SLC9A9: variants seen among roughly 807,000 people sequenced by gnomAD.
SLC9A9 encodes solute carrier family 9 member A9.
SLC9A9 carries 62 observed loss-of-function variants against 77.8 expected under a neutral mutation model. The ratio of observed to expected loss-of-function variants is 0.80; its 90% CI spans 0.65 to 0.98. The LOEUF (loss-of-function observed/expected upper bound fraction) is 0.98, where lower values mean the gene tolerates loss of function less well. Among genes scored for constraint, SLC9A9 ranks in the 50% least tolerant of loss-of-function variants. The probability of loss-of-function intolerance (pLI) is 0.00; values close to 1 mark genes in which losing one functional copy is unlikely to be tolerated. For missense variants in SLC9A9, 775 were observed against 774.9 expected, an observed-to-expected ratio of 1.00 and a Z score of 0.00; for synonymous variants, 320 against 283.5, an observed-to-expected ratio of 1.13 and a Z score of -1.29.
intron 4 of SLC9A9, among the ~76,000 whole-genome samples, chr3:143,702,050 A>G (rs958020850): frequency 6.6e-6 from 1 of 152,210 alleles, no homozygotes; most frequent in African/African-American, 2.4e-5. Context: ...TTTACCCTAG[A>G]ATAGTATATC....
chr3:143,445,925 C>T (rs1576501554), intron 12 of SLC9A9, among the ~76,000 whole-genome samples: 1 of 152,032 alleles, frequency 6.6e-6, no homozygotes, highest in South Asian at 2.1e-4. Flanking sequence ...CTAACAAGAA[C>T]AGCTTTGGTA....
At chr3:143,366,617 A>G (rs1294471718) in intron 13 of SLC9A9, among the ~76,000 whole-genome samples, 1 of 151,704 alleles carries the variant, frequency 6.6e-6, no homozygotes, top group Non-Finnish European at 1.5e-5. Context: ...GACAACAGTA[A>G]TAGCTATACT....
At chr3:143,597,905 A>G (rs1415645006) in intron 6 of SLC9A9, among the ~76,000 whole-genome samples, 2 of 152,180 alleles carry the variant, frequency 1.3e-5, no homozygotes, top group African/African-American at 4.8e-5. Flanking sequence ...GCCATTATGC[A>G]ACTCTGTGTA....
rs1473546864 is a variant in SLC9A9 at position 143,449,656 on chromosome 3, TA to T, written c.1469+17380del. Among the ~76,000 whole-genome samples, 36 of 14,384 alleles carry T rather than the reference TA, an allele frequency of 2.5e-3. 4 individuals are homozygous for T. Among genetic ancestry groups the T allele is most frequent in the Non-Finnish European group, 3.7e-3 (34 of 9,084 alleles). 9.4% of individuals were successfully genotyped at this position (14,384 alleles called of 152,430 possible). ...AATATAATTATATAATATAATTATA[TA>T]AAATATAATTATATTATATAATTAT... is the stretch of plus-strand genomic sequence containing the variant. On this transcript the variant is annotated intron_variant, in intron 12 of 15. Transcript: ENST00000316549.
intron 12 of SLC9A9, among the ~76,000 whole-genome samples, chr3:143,403,974 T>C (rs2033915433): frequency 6.6e-6 from 1 of 152,146 alleles, no homozygotes; most frequent in African/African-American, 2.4e-5. Context: ...CCAAATGGTA[T>C]CTCAGAGGTC....
intron 14 of SLC9A9, among the ~76,000 whole-genome samples, chr3:143,308,948 C>G (rs145360440): frequency 0.026 from 3,908 of 152,202 alleles, 68 homozygotes; most frequent in South Asian, 0.039. Context: ...AGTTTTCCCC[C>G]CATAAAACAT....
chr3:143,517,256 G>A lies in SLC9A9; in HGVS notation c.1090-21808C>T, dbSNP rs184438020. On this transcript the variant is annotated intron_variant, in intron 9 of 15. Coordinates refer to ENST00000316549, the MANE Select transcript of SLC9A9 (RefSeq NM_173653.4). ...CACCATAACTTCTGGATCCTGCATG[G>A]CGGCAAGAACCTCTGGATCACTAAG... 2,182 of 1,281,268 alleles carry A rather than the reference G, an allele frequency of 1.7e-3. 4 individuals are homozygous for A. The highest frequency in any genetic ancestry group is 6.5e-3 in the Middle Eastern group (25 of 3,828). The allele number at this position is 1,281,268 out of a possible 1,614,324, so 79.4% of individuals were successfully genotyped here.
At chr3:143,770,240 T>C (rs1576714382) in intron 4 of SLC9A9, among the ~76,000 whole-genome samples, 1 of 151,822 alleles carries the variant, frequency 6.6e-6, no homozygotes, top group South Asian at 2.1e-4. Flanking sequence ...GGCAGAAAAA[T>C]TCTTGGAAAA....
intron 4 of SLC9A9, among the ~76,000 whole-genome samples, chr3:143,772,507 G>A (rs562057900): frequency 6.6e-6 from 1 of 152,306 alleles, no homozygotes; most frequent in South Asian, 2.1e-4. Context: ...GTTAAATCAT[G>A]TGTAATTCAT....
intron 9 of SLC9A9, among the ~76,000 whole-genome samples, chr3:143,511,491 G>A (rs115493795): frequency 6.6e-6 from 1 of 152,198 alleles, no homozygotes; most frequent in African/African-American, 2.4e-5. Flanking sequence ...TGGAATTGCT[G>A]ATTGAGAATG....
intron 14 of SLC9A9, among the ~76,000 whole-genome samples, chr3:143,302,835 T>A (rs1301831057): frequency 6.6e-6 from 1 of 152,204 alleles, no homozygotes; most frequent in Non-Finnish European, 1.5e-5. Context: ...TCAAGAATCA[T>A]CACGTTTTCT....
intron 12 of SLC9A9, among the ~76,000 whole-genome samples, chr3:143,455,180 C>A (rs73867649): frequency 0.011 from 1,739 of 152,286 alleles, 50 homozygotes; most frequent in African/African-American, 0.04. Context: ...AATACTATCC[C>A]TATGCCATTG....
chr3:143,367,372 A>G (rs73144735), intron 13 of SLC9A9, among the ~76,000 whole-genome samples: 15,473 of 152,232 alleles, frequency 0.1, 927 homozygotes, highest in East Asian at 0.16. Flanking sequence ...GGAAAATACC[A>G]CTGATGACTC....
intron 4 of SLC9A9, among the ~76,000 whole-genome samples, chr3:143,762,968 C>G (rs2007185496): frequency 6.6e-6 from 1 of 152,174 alleles, no homozygotes; most frequent in Admixed American, 6.5e-5. Context: ...GGGAGGGGAA[C>G]TTCTGGTCCA....
chr3:143,592,753 A>G (rs1287376938), intron 6 of SLC9A9, among the ~76,000 whole-genome samples: 1 of 152,184 alleles, frequency 6.6e-6, no homozygotes, highest in Non-Finnish European at 1.5e-5. Context: ...ATCAAAGGTC[A>G]TCTGGCCCGG....
At chr3:143,370,567 G>GCACACACA (rs57705324) in intron 13 of SLC9A9, among the ~76,000 whole-genome samples, 13,332 of 143,234 alleles carry the variant, frequency 0.093, 736 homozygotes, top group East Asian at 0.18. Flanking sequence ...GCATGTGCGC[G>GCACACACA]CACACACACA....
intron 8 of SLC9A9, among the ~76,000 whole-genome samples, chr3:143,556,745 G>A (rs564939589): frequency 4.6e-5 from 7 of 152,152 alleles, no homozygotes; most frequent in African/African-American, 9.7e-5. Context: ...TAGCCAGATC[G>A]TTTTCTTTTT....
chr3:143,389,777 A>C (rs556435780), intron 12 of SLC9A9, among the ~76,000 whole-genome samples: 1 of 152,340 alleles, frequency 6.6e-6, no homozygotes, highest in South Asian at 2.1e-4. Context: ...GGTCAAGATC[A>C]ATGGACTGGG....
chr3:143,669,576 C>T (rs1471182941), intron 5 of SLC9A9, among the ~76,000 whole-genome samples: 1 of 152,166 alleles, frequency 6.6e-6, no homozygotes, highest in Non-Finnish European at 1.5e-5. Flanking sequence ...CAATTCTGTT[C>T]TGGAGGTGAC....
Sources: gnomAD v4.1 joint callset for allele counts (sites outside exome capture counted in the v4.1 genomes callset) on GRCh38, gnomAD v4.1.1 for gene constraint, MANE v1.5 for transcripts, NCBI Gene and HGNC (gene_info 2026-07-23, HGNC 2026-07-21) for gene names.